CNNM4: variants seen among roughly 807,000 people sequenced by gnomAD.
CNNM4 encodes metal transporter CNNM4.
In CNNM4, 32 loss-of-function variants were observed where a neutral mutation model predicts 53.7. The observed-to-expected ratio is 0.60, with a 90% CI of 0.45 to 0.80. CNNM4 has a LOEUF of 0.80. Ranked by LOEUF, CNNM4 falls within the 30% of genes least tolerant of loss-of-function variation. The pLI is 0.00. For missense variants in CNNM4, 784 were observed against 1,022.0 expected (o/e 0.77, Z 3.17); for synonymous variants, 410 against 440.0 (o/e 0.93, Z 0.85).
intron 1 of CNNM4, among the ~76,000 whole-genome samples, chr2:96,785,708 G>GT (rs1267342899): frequency 2.0e-5 from 3 of 152,132 alleles, no homozygotes; most frequent in Non-Finnish European, 4.4e-5. Flanking sequence ...GGAGGCTGAG[G>GT]TGGGAGGATT....
intron 3 of CNNM4, among the ~76,000 whole-genome samples, chr2:96,798,669 T>C (rs770482988): frequency 1.3e-5 from 2 of 151,784 alleles, no homozygotes; most frequent in Non-Finnish European, 3.0e-5. Context: ...TTATAGTCTA[T>C]ATATTTTAGT....
At chr2:96,784,172 C>T (rs1366195445) in intron 1 of CNNM4, among the ~76,000 whole-genome samples, 1 of 151,964 alleles carries the variant, frequency 6.6e-6, no homozygotes, top group East Asian at 1.9e-4. Context: ...GAGGCTGAGG[C>T]GGGAGAATCA....
intron 1 of CNNM4, among the ~76,000 whole-genome samples, chr2:96,783,355 G>T (rs1288448828): frequency 6.6e-6 from 1 of 152,188 alleles, no homozygotes; most frequent in Non-Finnish European, 1.5e-5. Context: ...TGCTGGAAGG[G>T]TCTGAACTCA....
At chr2:96,784,083 T>C (rs2078997334) in intron 1 of CNNM4, among the ~76,000 whole-genome samples, 1 of 152,130 alleles carries the variant, frequency 6.6e-6, no homozygotes, top group Non-Finnish European at 1.5e-5. Flanking sequence ...AAACTCTGTC[T>C]CTACGAAAAT....
At chr2:96,804,313 T>A (rs1166387473) in intron 5 of CNNM4, among the ~76,000 whole-genome samples, 1 of 143,006 alleles carries the variant, frequency 7.0e-6, no homozygotes, top group African/African-American at 2.6e-5. Context: ...CCCTGCAACC[T>A]CCACTTCCCG....
At chr2:96,788,722 C>T (rs942189092) in intron 1 of CNNM4, 4 of 152,236 alleles carry the variant, frequency 2.6e-5, no homozygotes, top group African/African-American at 7.2e-5. Context: ...GCACCTCTCC[C>T]ATGGGAGGGC....
intron 5 of CNNM4, among the ~76,000 whole-genome samples, chr2:96,807,835 A>T (rs2079223203): frequency 6.6e-6 from 1 of 152,164 alleles, no homozygotes; most frequent in African/African-American, 2.4e-5. Context: ...TTTTTTATTT[A>T]AAAGTATGCA....
chr2:96,795,239 C>G (rs1380244577), intron 1 of CNNM4, among the ~76,000 whole-genome samples: 1 of 152,210 alleles, frequency 6.6e-6, no homozygotes, highest in Non-Finnish European at 1.5e-5. Context: ...TGGACAGCCT[C>G]CAGCAGGCAC....
At chr2:96,764,802 A>G (rs1357394605) in intron 1 of CNNM4, among the ~76,000 whole-genome samples, 1 of 152,050 alleles carries the variant, frequency 6.6e-6, no homozygotes, top group Non-Finnish European at 1.5e-5. Flanking sequence ...CCTGGCTAAC[A>G]TGGTGAAACC....
At chr2:96,763,262 GTAGT>G (rs758844328) in intron 1 of CNNM4, among the ~76,000 whole-genome samples, 9 of 152,114 alleles carry the variant, frequency 5.9e-5, no homozygotes, top group Non-Finnish European at 7.3e-5. Flanking sequence ...CATTTCGCAG[GTAGT>G]TAGAGAGGCA....
chr2:96,776,027 G>GTTTT (rs538342553), intron 1 of CNNM4, among the ~76,000 whole-genome samples: 1 of 128,762 alleles, frequency 7.8e-6, no homozygotes, highest in Non-Finnish European at 1.7e-5. Context: ...TGCCATTGTG[G>GTTTT]TTTTTTTTTT....
chr2:96,809,268 A>AC (rs1558999315), intron 6 of CNNM4, 52 bp from the exon 7 acceptor site: 2 of 1,608,690 alleles, frequency 1.2e-6, no homozygotes, highest in Non-Finnish European at 1.7e-6. Flanking sequence ...GCCTGGTGAT[A>AC]GGGTCTGCCT....
chr2:96,779,453 G>A (rs1232682266), intron 1 of CNNM4, among the ~76,000 whole-genome samples: 1 of 147,750 alleles, frequency 6.8e-6, no homozygotes, highest in African/African-American at 2.5e-5. Flanking sequence ...AAGTTGCAGT[G>A]AGCTAAGATT....
rs1392749881 is a variant in CNNM4, at chr2:96,797,088, G to C, written c.1479G>C (p.Leu493=). The C allele has an allele frequency of 6.2e-7, 1 of 1,614,124 alleles. No homozygotes were observed. Among genetic ancestry groups the C allele is most frequent in the Admixed American group, 1.7e-5 (1 of 60,024 alleles). The part of the protein sequence containing the change: ...EGDPFYEVLG[L]VTLEDVIEEI... ...ACCCCTTCTACGAGGTCCTGGGCCT[G>C]GTCACCCTGGAGGACGTGATCGAGG... Residue 493 remains leucine (L), a synonymous_variant, in exon 2 of 7, where the codon CTG becomes CTC. Coordinates refer to ENST00000377075, the MANE Select transcript of CNNM4 (RefSeq NM_020184.4). The surrounding 1 kb of genome is among the most constrained non-coding windows in gnomAD (Gnocchi z 6.0).
chr2:96,770,876 C>A (rs2078862994), intron 1 of CNNM4, among the ~76,000 whole-genome samples: 1 of 152,218 alleles, frequency 6.6e-6, no homozygotes, highest in African/African-American at 2.4e-5. Context: ...TCTGTCGCTG[C>A]CTTGGTGACT....
intron 1 of CNNM4, among the ~76,000 whole-genome samples, chr2:96,784,883 A>G (rs576051504): frequency 5.9e-5 from 9 of 151,934 alleles, no homozygotes; most frequent in Admixed American, 3.9e-4. Flanking sequence ...TTATGGGGCT[A>G]TTTTTTCTTT....
At position 96,808,810 on chromosome 2, in the gene CNNM4, C is replaced by T; in HGVS notation, c.2130+68C>T. Reference sequence around the variant, plus strand: ...TCAGGAATCAGCTACTACTTTCATCCACCAAACCCAGCATGGTGGGCCCAA... The same window carrying T: ...TCAGGAATCAGCTACTACTTTCATCTACCAAACCCAGCATGGTGGGCCCAA... On this transcript the variant is annotated intron_variant, in intron 6 of 6. Transcript: ENST00000377075. The surrounding 1 kb of genome is among the most constrained non-coding windows in gnomAD (Gnocchi z 4.9). 6.6e-7 allele frequency: 1 copy of T among 1,523,062 alleles called. No individual in the cohort carries two copies. The highest frequency in any genetic ancestry group is 1.7e-5 in the Admixed American group (1 of 58,722). 94.3% of individuals were successfully genotyped at this position (1,523,062 alleles called of 1,614,324 possible).
At chr2:96,806,147 T>G (rs1285116474) in intron 5 of CNNM4, among the ~76,000 whole-genome samples, 3 of 151,534 alleles carry the variant, frequency 2.0e-5, no homozygotes, top group African/African-American at 7.3e-5. Context: ...CCCACCGCCC[T>G]CCCGGACGGG....
In CNNM4 at chr2:96,811,766, G is replaced by C. The variant is rs1169254290; in HGVS notation, c.*2249G>C. 6.6e-6 allele frequency: 1 copy of C among 152,566 alleles called. No individual in the cohort carries two copies. Among genetic ancestry groups the C allele is most frequent in the African/African-American group, 2.4e-5 (1 of 41,410 alleles). The allele number at this position is 152,566 out of a possible 1,614,324, so 9.5% of individuals were successfully genotyped here. ...TGGCGTTATGAGTTTGACTCTCGGGGAGTTTTGTTGTTATGACTCTTGTGT... is the reference window on the plus strand; with the variant it reads ...TGGCGTTATGAGTTTGACTCTCGGGCAGTTTTGTTGTTATGACTCTTGTGT... On this transcript the variant is annotated 3_prime_UTR_variant, in exon 7 of 7. Coordinates refer to ENST00000377075, the MANE Select transcript of CNNM4 (RefSeq NM_020184.4).
Sources: allele counts gnomAD v4.1 joint callset (sites outside exome capture counted in the v4.1 genomes callset), GRCh38; gene constraint gnomAD v4.1.1; non-coding constraint Gnocchi (gnomAD v3.1); transcripts MANE v1.5; gene names NCBI Gene and HGNC (gene_info 2026-07-23, HGNC 2026-07-21).